Variants in CAPN13 observed in about 807,000 individuals in gnomAD.
CAPN13 encodes calpain-13.
A neutral mutation model predicts 98.4 loss-of-function variants in CAPN13; 90 were observed. The observed-to-expected ratio is 0.92, with a 90% CI of 0.77 to 1.09. The LOEUF is 1.09. CAPN13 is among the 50% of genes least tolerant of loss of function. The pLI is 0.00. For missense variants in CAPN13, 887 were observed against 841.3 expected (o/e 1.05, Z -0.67); for synonymous variants, 330 against 305.5 (o/e 1.08, Z -0.84).
chr2:30,797,472 C>T (rs1674943951), intron 1 of CAPN13, among the ~76,000 whole-genome samples: 1 of 152,284 alleles, frequency 6.6e-6, no homozygotes, highest in East Asian at 1.9e-4. Context: ...TCTGAGCCTC[C>T]TTTCCTTACC....
At chr2:30,785,182 G>A (rs1296969973) in intron 2 of CAPN13, among the ~76,000 whole-genome samples, 2 of 152,162 alleles carry the variant, frequency 1.3e-5, no homozygotes, top group Non-Finnish European at 2.9e-5. Flanking sequence ...TCCCTGCTAG[G>A]CACTTAAGTC....
chr2:30,729,005 T>A (rs549516512), intron 22 of CAPN13, among the ~76,000 whole-genome samples: 3 of 152,258 alleles, frequency 2.0e-5, no homozygotes, highest in East Asian at 3.9e-4. Flanking sequence ...TACACATTTT[T>A]AAATGGGAGT....
intron 21 of CAPN13, 80 bp downstream of exon 21, chr2:30,731,264 G>C: frequency 1.5e-6 from 2 of 1,302,166 alleles, no homozygotes; most frequent in Non-Finnish European, 2.1e-6. Context: ...ATATCCTCAG[G>C]GAGAAAAATG....
chr2:30,765,509 A>G (rs6548032), intron 5 of CAPN13, among the ~76,000 whole-genome samples: 116,056 of 152,156 alleles, frequency 0.76, 44,754 homozygotes, highest in African/African-American at 0.87. Flanking sequence ...CATGATCAGG[A>G]CCTGGGTCTA....
intron 19 of CAPN13, among the ~76,000 whole-genome samples, chr2:30,733,932 A>C (rs1671224690): frequency 6.6e-6 from 1 of 152,206 alleles, no homozygotes; most frequent in Non-Finnish European, 1.5e-5. Context: ...ACGCGAACAG[A>C]AGTGCTTGGT....
At position 30,738,423 on chromosome 2, in the gene CAPN13, AG is replaced by A; in HGVS notation, c.1570del (p.Leu524PhefsTer7). The A allele has an allele frequency of 6.2e-7, 1 of 1,607,818 alleles. No homozygotes were observed. Among genetic ancestry groups the A allele is most frequent in the Non-Finnish European group, 8.5e-7 (1 of 1,176,904 alleles). ...LDIDATQLQGLLNQELLTGPP... is the reference protein window; with the variant it reads ...LDIDATQLQGXLNQELLTGPP... ...ACCTGTTAGAAGCTCCTGGTTGAGA[AG>A]GCCCTGAAGCTGGGTGGCATCAATG... is the stretch of plus-strand genomic sequence containing the variant. On this transcript the variant is annotated frameshift_variant, in exon 16 of 23. Transcript: ENST00000295055. LOFTEE classifies it high-confidence loss of function.
intron 2 of CAPN13, among the ~76,000 whole-genome samples, chr2:30,786,084 A>G (rs1674262448): frequency 6.6e-6 from 1 of 152,210 alleles, no homozygotes; most frequent in South Asian, 2.1e-4. Context: ...TCCCATGTGC[A>G]GAACTGAATT....
chr2:30,789,019 G>C (rs1674471967), intron 1 of CAPN13, among the ~76,000 whole-genome samples: 1 of 152,162 alleles, frequency 6.6e-6, no homozygotes, highest in Non-Finnish European at 1.5e-5. Context: ...AAACAGCTCT[G>C]TTTAGTTTAA....
chr2:30,796,645 A>T (rs1312219697), intron 1 of CAPN13, among the ~76,000 whole-genome samples: 1 of 152,200 alleles, frequency 6.6e-6, no homozygotes, highest in Non-Finnish European at 1.5e-5. Context: ...CTTCAAAACC[A>T]AGAAGATGAA....
chr2:30,772,756 C>A (rs1673472268), intron 4 of CAPN13, among the ~76,000 whole-genome samples: 1 of 152,068 alleles, frequency 6.6e-6, no homozygotes. Flanking sequence ...CACTGAATTC[C>A]CAGACAAGAT....
intron 1 of CAPN13, among the ~76,000 whole-genome samples, chr2:30,806,548 C>T (rs1433581731): frequency 6.6e-6 from 1 of 152,176 alleles, no homozygotes; most frequent in Non-Finnish European, 1.5e-5. Flanking sequence ...TGACCCAGGA[C>T]AAATGGGACA....
chr2:30,755,962 A>C (rs2148000650), intron 8 of CAPN13, among the ~76,000 whole-genome samples: 1 of 152,184 alleles, frequency 6.6e-6, no homozygotes, highest in East Asian at 1.9e-4. Context: ...ATTCCTAAAA[A>C]GTAGGGAAGA....
intron 20 of CAPN13, 105 bp downstream of exon 20, chr2:30,732,333 G>C (rs757102833): frequency 1.9e-5 from 27 of 1,447,424 alleles, no homozygotes; most frequent in Non-Finnish European, 2.4e-5. Flanking sequence ...CCACCCTGCT[G>C]CTGAGGCCTC....
intron 19 of CAPN13, among the ~76,000 whole-genome samples, chr2:30,733,807 G>A (rs550067527): frequency 2.0e-5 from 3 of 152,308 alleles, no homozygotes; most frequent in Admixed American, 6.5e-5. Flanking sequence ...TTAAAGGAAG[G>A]TAGCCATTTC....
At chr2:30,787,483 T>TG in intron 1 of CAPN13, 126 bp from the exon 2 acceptor site, 1 of 634,390 alleles carries the variant, frequency 1.6e-6, no homozygotes, top group Non-Finnish European at 2.6e-6. Flanking sequence ...GTCTGCACTG[T>TG]CCCTGGTGGC....
At chr2:30,727,702 G>T (rs1670906236) in intron 22 of CAPN13, among the ~76,000 whole-genome samples, 1 of 152,160 alleles carries the variant, frequency 6.6e-6, no homozygotes, top group Non-Finnish European at 1.5e-5. Context: ...ATTTGCAGCT[G>T]GTGGGAATGT....
At position 30,753,098 on chromosome 2, in the gene CAPN13, A is replaced by G. The variant is rs2147993593; in HGVS notation, c.1042T>C (p.Ser348Pro). The G allele has an allele frequency of 6.2e-7, 1 of 1,614,000 alleles. No homozygotes were observed. The highest frequency in any genetic ancestry group is 8.5e-7 in the Non-Finnish European group (1 of 1,179,876). The change falls in exon 10 of 23, where the codon TCC (serine) becomes CCC (proline). Residue 348 changes from serine (S) to proline (P), a missense_variant. Coordinates refer to ENST00000295055, the MANE Select transcript of CAPN13 (RefSeq NM_144575.3). ...ACTTGCTTCCTAAACATTATTTGGG[A>G]CCATCCTTCGTGGAGTGTGTTTCCA... is the stretch of plus-strand genomic sequence containing the variant. ...DHGNTLHEGW[S>P]QIMFRKQVIL...
At chr2:30,796,554 T>C (rs920148136) in intron 1 of CAPN13, among the ~76,000 whole-genome samples, 2 of 152,076 alleles carry the variant, frequency 1.3e-5, no homozygotes, top group Non-Finnish European at 2.9e-5. Context: ...ATGAAGATCC[T>C]TTTCAACTCT....
intron 15 of CAPN13, 68 bp downstream of exon 15, chr2:30,741,840 G>A: frequency 6.2e-7 from 1 of 1,611,626 alleles, no homozygotes; most frequent in Non-Finnish European, 8.5e-7. Flanking sequence ...GGGCCTGTGA[G>A]AGCTGTCCCT....
Sources: gnomAD v4.1 joint callset for allele counts (sites outside exome capture counted in the v4.1 genomes callset) on GRCh38, gnomAD v4.1.1 for gene constraint, MANE v1.5 for transcripts, NCBI Gene and HGNC (gene_info 2026-07-23, HGNC 2026-07-21) for gene names.